DDX43: variants seen among roughly 807,000 people sequenced by gnomAD.
DDX43 encodes DEAD-box helicase 43.
In DDX43, 50 loss-of-function variants were observed where a neutral mutation model predicts 84.9. The observed-to-expected ratio is 0.59, with a 90% CI of 0.47 to 0.75. DDX43 has a LOEUF of 0.75. DDX43 is among the 30% of genes least tolerant of loss of function. The pLI, the probability that DDX43 is intolerant of heterozygous loss-of-function variation, is 0.00. For synonymous variants in DDX43, 291 were observed against 266.3 expected, an observed-to-expected ratio of 1.09 and a Z score of -0.90; for missense variants, 689 against 798.6, an observed-to-expected ratio of 0.86 and a Z score of 1.65.
chr6:73,404,556 G>A (rs568499066), intron 4 of DDX43, 134 bp from the exon 5 acceptor site: 14 of 717,568 alleles, frequency 2.0e-5, no homozygotes, highest in Middle Eastern at 3.2e-4. Flanking sequence ...AGCAAGCCTC[G>A]TTGGCAAAGT....
At position 73,394,940 on chromosome 6, in the gene DDX43, C is replaced by T; in HGVS notation, c.35C>T (p.Thr12Met). The T allele has an allele frequency of 3.4e-5, 55 of 1,614,226 alleles. No homozygotes were observed. The highest frequency in any genetic ancestry group is 4.7e-5 in the Non-Finnish European group (55 of 1,180,040). The change falls in exon 1 of 17, where the codon ACG (threonine) becomes ATG (methionine). Residue 12 changes from threonine (T) to methionine (M), a missense_variant. Coordinates refer to ENST00000370336, the MANE Select transcript of DDX43 (RefSeq NM_018665.3). ...SHHGGAPKAS[T>M]WVVASRRSST... ...CACGGAGGAGCTCCCAAGGCCTCTA[C>T]GTGGGTCGTTGCTAGTCGGCGAAGC...
intron 4 of DDX43, among the ~76,000 whole-genome samples, chr6:73,403,618 G>A (rs1398232791): frequency 2.0e-5 from 3 of 152,116 alleles, no homozygotes; most frequent in Non-Finnish European, 4.4e-5. Context: ...ATCAGTTGTG[G>A]TGTTTGATGT....
At chr6:73,412,167 T>TA in intron 10 of DDX43, 38 bp from the exon 11 acceptor site, 1 of 1,550,120 alleles carries the variant, frequency 6.5e-7, no homozygotes, top group Non-Finnish European at 8.8e-7. Flanking sequence ...GTAATGTTTT[T>TA]ACAACAAAAT....
In DDX43 at chr6:73,407,572, G is replaced by A. The variant is rs1769707929; in HGVS notation, c.994G>A (p.Val332Ile). 6.2e-7 allele frequency: 1 copy of A among 1,614,068 alleles called. No individual in the cohort carries two copies. ...TCCCACTCGGGAATTAGCACTTCAA[G>A]TAGAAGGAGAATGTTGCAAATATTC... ...LTPTRELALQ[V>I]EGECCKYSYK... Residue 332 changes from valine (V) to isoleucine (I), a missense_variant, in exon 8 of 17, where the codon GTA (valine) becomes ATA (isoleucine). Physicochemically the swap from Val to Ile is conservative, Grantham distance 29 (BLOSUM62 3). Transcript: ENST00000370336.
chr6:73,397,786 C>T (rs765330813), intron 2 of DDX43, 42 bp downstream of exon 2: 1 of 1,550,792 alleles, frequency 6.4e-7, no homozygotes, highest in South Asian at 1.1e-5. Context: ...GAGCATCATG[C>T]ATTTCTAAGG....
chr6:73,404,740 G>C lies in DDX43; in HGVS notation c.619G>C (p.Ala207Pro). The change falls in exon 5 of 17, where the codon GCC becomes CCC. Residue 207 changes from alanine (A) to proline (P), a missense_variant. Ala to Pro is a conservative substitution (Grantham distance 27, BLOSUM62 -1). Coordinates refer to ENST00000370336, the MANE Select transcript of DDX43 (RefSeq NM_018665.3). ...TTATAAAGAGTCCACTGCCACAAGT[G>C]CCATGTCAAAAGTAGAAGCAGATAG... Reference protein sequence around the residue: ...NFYKESTATSAMSKVEADSWR... With the variant: ...NFYKESTATSPMSKVEADSWR... 6.2e-7 allele frequency: 1 copy of C among 1,613,318 alleles called. No homozygotes were observed. The highest frequency in any genetic ancestry group is 1.1e-5 in the South Asian group (1 of 90,848).
At chr6:73,401,414 A>G (rs766436529) in intron 3 of DDX43, among the ~76,000 whole-genome samples, 3 of 152,240 alleles carry the variant, frequency 2.0e-5, no homozygotes, top group Non-Finnish European at 2.9e-5. Context: ...TTAAATTTTT[A>G]TAAGTTGTTG....
Position 73,395,112 on chromosome 6 carries a change from G to C in DDX43, c.207G>C (p.Pro69=). ...EAVAAGHEEL[P]LCFALKSHFV... is the part of the protein sequence containing the mutation. ...TGGCCGCTGGTCACGAGGAACTGCC[G>C]CTGTGTTTTGCTTTGAAGAGCCACT... is the stretch of plus-strand genomic sequence containing the variant. Residue 69 remains proline, a synonymous_variant, in exon 1 of 17, where the codon CCG becomes CCC. Transcript: ENST00000370336. 6.2e-7 allele frequency: 1 copy of C among 1,614,054 alleles called. No individual in the cohort carries two copies. The highest frequency in any genetic ancestry group is 1.1e-5 in the South Asian group (1 of 91,080).
chr6:73,395,758 AC>A (rs1459838581), intron 1 of DDX43, among the ~76,000 whole-genome samples: 1 of 152,110 alleles, frequency 6.6e-6, no homozygotes, highest in African/African-American at 2.4e-5. Context: ...CAGACAGCTA[AC>A]CCCAGAATGA....
In DDX43 at chr6:73,412,271, T is replaced by C; in HGVS notation, c.1347T>C (p.Tyr449=). The change falls in exon 11 of 17, where the codon TAT becomes TAC. Residue 449 remains tyrosine (Y), a synonymous_variant. Transcript: ENST00000370336. Reference sequence around the variant, plus strand: ...ATTTGAAAGAACCAATGATTGTCTATGTTGGTACATTGGATCTAGTTGTAA... The same window carrying C: ...ATTTGAAAGAACCAATGATTGTCTACGTTGGTACATTGGATCTAGTTGTAA... ...QSYLKEPMIV[Y]VGTLDLVAVS... is the part of the protein sequence containing the mutation. The C allele has an allele frequency of 1.2e-6, 2 of 1,613,130 alleles. No homozygotes were observed. Among genetic ancestry groups the C allele is most frequent in the Middle Eastern group, 1.7e-4 (1 of 6,048 alleles).
At chr6:73,395,682 G>A (rs1015799892) in intron 1 of DDX43, among the ~76,000 whole-genome samples, 1 of 151,558 alleles carries the variant, frequency 6.6e-6, no homozygotes, top group Non-Finnish European at 1.5e-5. Context: ...GTATTTGGGA[G>A]AGCAACTCCT....
chr6:73,402,514 C>T (rs1769597095), intron 4 of DDX43, among the ~76,000 whole-genome samples: 1 of 152,182 alleles, frequency 6.6e-6, no homozygotes, highest in Non-Finnish European at 1.5e-5. Context: ...TTCAAGTGAT[C>T]CTCTCCTCTT....
At position 73,410,734 on chromosome 6, in the gene DDX43, A is replaced by G. The variant is rs181569122; in HGVS notation, c.1280+1386A>G. ...CAGCCTTCTGAGTAACTGGAACTAC[A>G]GGTGCATGCCACCACACCCAGCTCA... On this transcript the variant is annotated intron_variant, in intron 10 of 16. Coordinates refer to ENST00000370336, the MANE Select transcript of DDX43 (RefSeq NM_018665.3). Among the ~76,000 whole-genome samples the G allele has an allele frequency of 6.6e-5, 10 of 152,192 alleles. No homozygotes were observed. The East Asian group carries it at 1.9e-3, about 30-fold the overall frequency.
intron 7 of DDX43, among the ~76,000 whole-genome samples, chr6:73,407,178 C>T (rs540883043): frequency 1.8e-4 from 27 of 152,062 alleles, no homozygotes; most frequent in Admixed American, 4.6e-4. Context: ...AGTGCAGTGG[C>T]GTGATCCTGG....
At chr6:73,415,640 T>C in intron 15 of DDX43, 56 bp downstream of exon 15, 1 of 1,279,538 alleles carries the variant, frequency 7.8e-7, no homozygotes, top group African/African-American at 1.5e-5. Flanking sequence ...CAGTCAGTTA[T>C]GCCGGGTACT....
chr6:73,415,374 A>G (rs1178605841), intron 14 of DDX43, 123 bp from the exon 15 acceptor site: 17 of 560,756 alleles, frequency 3.0e-5, no homozygotes, highest in South Asian at 1.2e-4. Context: ...CAGCAGATTT[A>G]GATTCCAAAT....
chr6:73,402,054 A>G (rs1769586150), intron 4 of DDX43, 64 bp downstream of exon 4: 29 of 1,579,744 alleles, frequency 1.8e-5, no homozygotes, highest in Non-Finnish European at 2.4e-5. Context: ...TATTCTCTGT[A>G]CAATGTCTGT....
intron 7 of DDX43, among the ~76,000 whole-genome samples, chr6:73,407,225 C>T (rs760381966): frequency 1.3e-5 from 2 of 152,114 alleles, no homozygotes; most frequent in Non-Finnish European, 2.9e-5. Context: ...TCAAGTGATT[C>T]TCCTGCCTCA....
intron 15 of DDX43, 110 bp from the exon 16 acceptor site, chr6:73,416,003 T>G: frequency 1.5e-6 from 1 of 669,352 alleles, no homozygotes; most frequent in Non-Finnish European, 2.7e-6. Flanking sequence ...TGTTTCTGTT[T>G]AAAGGATGTC....
Sources: allele counts gnomAD v4.1 joint callset (sites outside exome capture counted in the v4.1 genomes callset), GRCh38; gene constraint gnomAD v4.1.1; transcripts MANE v1.5; gene names NCBI Gene and HGNC (gene_info 2026-07-23, HGNC 2026-07-21).